The following SEMA3D variants were observed in gnomAD, a reference collection of about 807,000 sequenced individuals.
The protein encoded by SEMA3D is semaphorin 3D, also known as semaphorin-3D.
Under a neutral mutation model 100.1 loss-of-function variants are expected in SEMA3D, and 84 were observed. That is an observed-to-expected ratio of 0.84 (90% CI 0.70 to 1.01). SEMA3D has a LOEUF of 1.01. Among genes scored for constraint, SEMA3D ranks in the 50% least tolerant of loss-of-function variants. The pLI is 0.00. For missense variants in SEMA3D, 875 were observed against 934.1 expected (o/e 0.94, Z 0.82); for synonymous variants, 312 against 320.7 (o/e 0.97, Z 0.29).
chr7:85,219,358 T>C, the SEMA3D span, among the ~76,000 whole-genome samples: 1 of 152,068 alleles, frequency 6.6e-6, no homozygotes, highest in African/African-American at 2.4e-5. Context: ...GTATTACAGC[T>C]ATAAGTGAAC....
At chr7:85,161,581 G>T (rs1464439633) in intron 1 of SEMA3D, among the ~76,000 whole-genome samples, 1 of 152,058 alleles carries the variant, frequency 6.6e-6, no homozygotes, top group African/African-American at 2.4e-5. Flanking sequence ...GTTGCAAGAA[G>T]CAGGAAGAGA....
chr7:85,082,269 G>A (rs995790721), intron 4 of SEMA3D, among the ~76,000 whole-genome samples: 2 of 152,022 alleles, frequency 1.3e-5, no homozygotes, highest in Non-Finnish European at 2.9e-5. Context: ...GAACTGGGGG[G>A]GTCTCAACCA....
At chr7:85,042,976 C>A (rs376653066) in intron 9 of SEMA3D, among the ~76,000 whole-genome samples, 4 of 152,084 alleles carry the variant, frequency 2.6e-5, no homozygotes, top group African/African-American at 7.2e-5. Flanking sequence ...TATTTGCAAC[C>A]TTTAGCAATA....
rs997458009 is a variant in SEMA3D, at chr7:85,163,036, A to G, written c.-172-9297T>C. On this transcript the variant is annotated intron_variant, in intron 1 of 18. Coordinates refer to ENST00000284136, the MANE Select transcript of SEMA3D (RefSeq NM_001384900.1). ...GAAGGAAAGACAAGGATGTGAAGTA[A>G]GAATATAAAAGAAGTATATACATAT... 1.9e-5 allele frequency: 17 copies of G among 904,620 alleles called. No individual in the cohort carries two copies. In the Admixed American group the frequency reaches 4.3e-4, roughly 23 times the overall value. The allele number at this position is 904,620 out of a possible 1,614,324, so 56.0% of individuals were successfully genotyped here.
chr7:85,132,740 T>A (rs1315730875), intron 2 of SEMA3D, among the ~76,000 whole-genome samples: 1 of 151,986 alleles, frequency 6.6e-6, no homozygotes, highest in Non-Finnish European at 1.5e-5. Flanking sequence ...ACAAGTTTTA[T>A]ACTATCTTTA....
chr7:85,046,071 G>A (rs1263542555), intron 9 of SEMA3D, among the ~76,000 whole-genome samples: 1 of 151,806 alleles, frequency 6.6e-6, no homozygotes, highest in East Asian at 1.9e-4. Context: ...TAATGCCAGA[G>A]ACTAAAGTTT....
chr7:85,151,298 CT>C (rs1790377547), intron 2 of SEMA3D, among the ~76,000 whole-genome samples: 1 of 151,934 alleles, frequency 6.6e-6, no homozygotes, highest in South Asian at 2.1e-4. Flanking sequence ...GTCCTCATTT[CT>C]TTTTTCATTC....
At chr7:85,052,160 T>C (rs922620045) in intron 9 of SEMA3D, among the ~76,000 whole-genome samples, 1 of 151,998 alleles carries the variant, frequency 6.6e-6, no homozygotes, top group Non-Finnish European at 1.5e-5. Flanking sequence ...AGTGCTTATC[T>C]CTTTGTTCCT....
chr7:85,160,522 T>C (rs897252729), intron 1 of SEMA3D, among the ~76,000 whole-genome samples: 3 of 152,096 alleles, frequency 2.0e-5, no homozygotes, highest in East Asian at 1.9e-4. Flanking sequence ...ATGGGGGCGA[T>C]GCGGTTTGCC....
intron 9 of SEMA3D, among the ~76,000 whole-genome samples, chr7:85,051,221 T>C (rs1180630986): frequency 6.6e-6 from 1 of 151,842 alleles, no homozygotes; most frequent in Non-Finnish European, 1.5e-5. Flanking sequence ...GTTAAGAAAC[T>C]GAGAGAATGG....
At chr7:85,107,611 T>C (rs1197892951) in intron 3 of SEMA3D, among the ~76,000 whole-genome samples, 2 of 152,062 alleles carry the variant, frequency 1.3e-5, no homozygotes, top group Non-Finnish European at 2.9e-5. Flanking sequence ...ATTGTCAATT[T>C]TTCCTCCAAT....
chr7:85,144,440 C>A (rs1790143145), intron 2 of SEMA3D: 3 of 977,778 alleles, frequency 3.1e-6, no homozygotes, highest in Non-Finnish European at 3.6e-6. Flanking sequence ...CCACACACTT[C>A]ATCCTCTTCC....
At chr7:85,233,435 C>T in the SEMA3D span, among the ~76,000 whole-genome samples, 1 of 152,128 alleles carries the variant, frequency 6.6e-6, no homozygotes. Context: ...TACTGCCTTA[C>T]TTCTAAATCC....
intron 2 of SEMA3D, chr7:85,142,093 G>A (rs1339419565): frequency 4.4e-5 from 43 of 983,536 alleles, no homozygotes; most frequent in Non-Finnish European, 4.7e-5. Context: ...AGTTGGCAAT[G>A]CATTTTAGTT....
Position 85,142,462 on chromosome 7 carries a change from A to C in SEMA3D, c.-41+11146T>G, listed in dbSNP as rs1363137780. 3 of 970,606 alleles carry C rather than the reference A, an allele frequency of 3.1e-6. No individual in the cohort carries two copies. The African/African-American group carries it at 5.3e-5, about 17-fold the overall frequency. 60.1% of individuals were successfully genotyped at this position (970,606 alleles called of 1,614,324 possible). A position where few individuals can be genotyped will look rare whatever the true frequency, so the allele number is the denominator to read the frequency against. On this transcript the variant is annotated intron_variant, in intron 2 of 18. Transcript: ENST00000284136. ...TTTATTTATAAAAGACACAGATTAC[A>C]TCAGGGAAATAAGGCATCTAGCTCA...
At position 85,022,551 on chromosome 7, in the gene SEMA3D, G is replaced by T; in HGVS notation, c.1254C>A (p.Ile418=). ...KSTRDFPDDV[I]SFIKRHSVMY... ...TCACAGAGTGCCGCTTTATGAAACT[G>T]ATGACATCATCTGGAAAATCTCGGG... Residue 418 remains isoleucine (I), a synonymous_variant, in exon 13 of 19, where the codon ATC becomes ATA. Coordinates refer to ENST00000284136, the MANE Select transcript of SEMA3D (RefSeq NM_001384900.1). 6.2e-7 allele frequency: 1 copy of T among 1,612,524 alleles called. No individual in the cohort carries two copies. The highest frequency in any genetic ancestry group is 8.5e-7 in the Non-Finnish European group (1 of 1,178,984).
rs1358899463 is a variant in SEMA3D, at chr7:85,012,786, T to G, written c.1764A>C (p.Glu588Asp). Reference protein sequence around the residue: ...GDPITQCWDIEDSISHETADE... With the variant: ...GDPITQCWDIDDSISHETADE... ...GCATATCAGAGCTGTACTTACTGTC[T>G]TCGATGTCCCAGCACTGGGTGATTG... Residue 588 changes from glutamate to aspartate, a missense_variant, in exon 17 of 19, where the codon GAA (glutamate) becomes GAC (aspartate). Coordinates refer to ENST00000284136, the MANE Select transcript of SEMA3D (RefSeq NM_001384900.1). 1.9e-6 allele frequency: 3 copies of G among 1,609,282 alleles called. No individual in the cohort carries two copies. Among genetic ancestry groups the G allele is most frequent in the African/African-American group, 2.7e-5 (2 of 74,620 alleles).
chr7:85,137,975 C>T (rs1057161499), intron 2 of SEMA3D, among the ~76,000 whole-genome samples: 10 of 152,236 alleles, frequency 6.6e-5, no homozygotes, highest in African/African-American at 2.4e-4. Flanking sequence ...TCAACTACAT[C>T]GACTTACAGT....
At chr7:85,235,193 T>C in the SEMA3D span, among the ~76,000 whole-genome samples, 7 of 152,212 alleles carry the variant, frequency 4.6e-5, no homozygotes, top group Admixed American at 2.6e-4. Flanking sequence ...ATCACAACTC[T>C]GCTACTATTA....
Sources: allele counts gnomAD v4.1 joint callset (sites outside exome capture counted in the v4.1 genomes callset), GRCh38; gene constraint gnomAD v4.1.1; transcripts MANE v1.5; gene names NCBI Gene and HGNC (gene_info 2026-07-23, HGNC 2026-07-21).